ZNF23: variants seen among roughly 807,000 people sequenced by gnomAD.
ZNF23 encodes kruppel-like zinc finger factor X31.
Under a neutral mutation model 56.2 loss-of-function variants are expected in ZNF23, and 48 were observed. That is an observed-to-expected ratio of 0.85 (90% confidence interval 0.68 to 1.09). The LOEUF (loss-of-function observed/expected upper bound fraction) is 1.09. ZNF23 is among the 50% of genes least tolerant of loss of function. The probability of loss-of-function intolerance (pLI) is 0.00; values close to 1 mark genes in which losing one functional copy is unlikely to be tolerated. For synonymous variants in ZNF23, 266 were observed against 283.3 expected, an observed-to-expected ratio of 0.94 and a Z score of 0.61; for missense variants, 805 against 811.4, an observed-to-expected ratio of 0.99 and a Z score of 0.10.
Position 71,448,016 on chromosome 16 carries a change from T to G in ZNF23, c.*77A>C. On this transcript the variant is annotated 3_prime_UTR_variant, in exon 5 of 5. Transcript: ENST00000647773. The stretch of plus-strand genomic sequence containing the variant: ...TGCCATATTCATGCCCTCTTGGAGG[T>G]TTTTCAATGGATGAATCTGATGATA... 3.2e-6 allele frequency: 4 copies of G among 1,244,248 alleles called. No individual in the cohort carries two copies. The highest frequency in any genetic ancestry group is 2.4e-5 in the East Asian group (1 of 41,366). 77.1% of individuals were successfully genotyped at this position (1,244,248 alleles called of 1,614,324 possible). A position where few individuals can be genotyped will look rare whatever the true frequency, so the allele number is the denominator to read the frequency against.
chr16:71,460,745 T>C (rs1167988433), intron 1 of ZNF23, among the ~76,000 whole-genome samples: 1 of 152,244 alleles, frequency 6.6e-6, no homozygotes, highest in Non-Finnish European at 1.5e-5. Flanking sequence ...ATAAACACAC[T>C]GTCCATCTCA....
In ZNF23 at chr16:71,453,327, C is replaced by G; in HGVS notation, c.184G>C (p.Val62Leu). ...CTTCCTCCCTCCAGTTGTGAGATCA[C>G]AGCAGGTTTGAGAAGTGGAAATCCT... ...SLGFPLLKPAVISQLEGGSEL... is the reference protein window; with the variant it reads ...SLGFPLLKPALISQLEGGSEL... The change falls in exon 4 of 5, where the codon GTG becomes CTG. Residue 62 changes from valine to leucine, a missense_variant. Transcript: ENST00000647773. 1 of 1,602,288 alleles carries G rather than the reference C, an allele frequency of 6.2e-7. No homozygotes were observed. The highest frequency in any genetic ancestry group is 8.5e-7 in the Non-Finnish European group (1 of 1,173,904).
chr16:71,449,132 T>C lies in ZNF23; in HGVS notation c.1022A>G (p.His341Arg). ...TTTCTCTCCAGTGTGGACTCTCTGATGTGTAATATATGCAGAACTACAGCT... is the reference window on the plus strand; with the variant it reads ...TTTCTCTCCAGTGTGGACTCTCTGACGTGTAATATATGCAGAACTACAGCT... Reference protein sequence around the residue: ...GFSCSSAYITHQRVHTGEKPY... With the variant: ...GFSCSSAYITRQRVHTGEKPY... The change falls in exon 5 of 5, where the codon CAT becomes CGT. Residue 341 changes from histidine (H) to arginine (R), a missense_variant. Transcript: ENST00000647773. The C allele has an allele frequency of 6.2e-7, 1 of 1,614,238 alleles. No homozygotes were observed. Among genetic ancestry groups the C allele is most frequent in the Non-Finnish European group, 8.5e-7 (1 of 1,180,038 alleles).
At chr16:71,454,520 ACCACTCC>A (rs1567562697) in intron 2 of ZNF23, among the ~76,000 whole-genome samples, 1 of 152,060 alleles carries the variant, frequency 6.6e-6, no homozygotes, top group Non-Finnish European at 1.5e-5. Flanking sequence ...CAGGTCCCAC[ACCACTCC>A]CCTGCGCCTA....
intron 4 of ZNF23, chr16:71,450,803 T>C (rs758985428): frequency 2.9e-5 from 10 of 339,546 alleles, no homozygotes; most frequent in Non-Finnish European, 6.0e-5. Context: ...ACCATGCTTT[T>C]CTACACCCTG....
At chr16:71,449,965 A>G in intron 4 of ZNF23, 80 bp from the exon 5 acceptor site, 2 of 1,181,950 alleles carry the variant, frequency 1.7e-6, no homozygotes, top group South Asian at 3.4e-5. Flanking sequence ...AAAAGACCAT[A>G]ATAATCAGGG....
intron 1 of ZNF23, among the ~76,000 whole-genome samples, chr16:71,458,531 C>T (rs1449711194): frequency 6.6e-6 from 1 of 152,154 alleles, no homozygotes; most frequent in Admixed American, 6.5e-5. Flanking sequence ...GAAGCTCTAG[C>T]CTCCAATGTG....
Position 71,449,555 on chromosome 16 carries a change from T to G in ZNF23, c.599A>C (p.Lys200Thr). The G allele has an allele frequency of 6.2e-7, 1 of 1,614,174 alleles. No homozygotes were observed. The highest frequency in any genetic ancestry group is 1.6e-4 in the Middle Eastern group (1 of 6,062). Residue 200 changes from lysine to threonine, a missense_variant, in exon 5 of 5, where the codon AAG becomes ACG. Coordinates refer to ENST00000647773, the MANE Select transcript of ZNF23 (RefSeq NM_001381984.1). ...KSISFDTKLVKHEIINSEERP... is the reference protein window; with the variant it reads ...KSISFDTKLVTHEIINSEERP... ...TTCCTCAGAATTAATTATTTCATGC[T>G]TCACGAGTTTTGTATCAAAGCTGAT...
rs1413439034 is a variant in ZNF23 at position 71,448,912 on chromosome 16, T to G, written c.1242A>C (p.Lys414Asn). ...TGAGTTTTGTATTATTATTGAAGCC[T>G]TTTCCACACTCTTTACACTGATAGG... Reference protein sequence around the residue: ...EKPYQCKECGKGFNNNTKLIQ... With the variant: ...EKPYQCKECGNGFNNNTKLIQ... Residue 414 changes from lysine to asparagine, a missense_variant, in exon 5 of 5, where the codon AAA (lysine) becomes AAC (asparagine). Transcript: ENST00000647773. The G allele has an allele frequency of 6.2e-7, 1 of 1,614,026 alleles. No homozygotes were observed. Among genetic ancestry groups the G allele is most frequent in the Non-Finnish European group, 8.5e-7 (1 of 1,180,028 alleles).
In ZNF23 at chr16:71,449,526, G is replaced by A. The variant is rs2042974886; in HGVS notation, c.628C>T (p.Pro210Ser). Reference sequence around the variant, plus strand: ...TCTACTAATTCTTCACATTTGAAAGGTCTTTCCTCAGAATTAATTATTTCA... The same window carrying A: ...TCTACTAATTCTTCACATTTGAAAGATCTTTCCTCAGAATTAATTATTTCA... The part of the protein sequence containing the change: ...KHEIINSEER[P>S]FKCEELVEPF... The change falls in exon 5 of 5, where the codon CCT becomes TCT. Residue 210 changes from proline (P) to serine (S), a missense_variant. Coordinates refer to ENST00000647773, the MANE Select transcript of ZNF23 (RefSeq NM_001381984.1). 6.2e-7 allele frequency: 1 copy of A among 1,614,076 alleles called. No individual in the cohort carries two copies. The highest frequency in any genetic ancestry group is 8.5e-7 in the Non-Finnish European group (1 of 1,180,026).
chr16:71,457,947 G>C (rs912736076), intron 1 of ZNF23, among the ~76,000 whole-genome samples: 1 of 152,116 alleles, frequency 6.6e-6, no homozygotes, highest in African/African-American at 2.4e-5. Context: ...AGACCCCAGG[G>C]AGGCAGCGCC....
chr16:71,454,665 G>A (rs2043163473), intron 2 of ZNF23, among the ~76,000 whole-genome samples: 1 of 152,070 alleles, frequency 6.6e-6, no homozygotes, highest in East Asian at 1.9e-4. Flanking sequence ...CCCAACAAGG[G>A]GCTGTGCAGC....
intron 2 of ZNF23, 93 bp from the exon 3 acceptor site, chr16:71,454,261 G>A (rs138940875): frequency 2.7e-6 from 4 of 1,464,528 alleles, no homozygotes; most frequent in East Asian, 4.7e-5. Flanking sequence ...TGGGGAGGGT[G>A]CTTGTGAGAG....
Position 71,448,796 on chromosome 16 carries a change from T to A in ZNF23, c.1358A>T (p.His453Leu). The change falls in exon 5 of 5, where the codon CAC (histidine) becomes CTC (leucine). Residue 453 changes from histidine to leucine, a missense_variant. Coordinates refer to ENST00000647773, the MANE Select transcript of ZNF23 (RefSeq NM_001381984.1). ...TTTCTCGCCTGTGTGAATTCTCTGG[T>A]GTTGGATTAACTTCCCTTTGACACT... is the stretch of plus-strand genomic sequence containing the variant. The part of the protein sequence containing the change: ...AFSVKGKLIQ[H>L]QRIHTGEKPY... The A allele has an allele frequency of 6.2e-7, 1 of 1,614,240 alleles. No individual in the cohort carries two copies. The highest frequency in any genetic ancestry group is 8.5e-7 in the Non-Finnish European group (1 of 1,180,036).
In ZNF23 at chr16:71,448,044, T is replaced by C; in HGVS notation, c.*49A>G. 1.4e-6 allele frequency: 2 copies of C among 1,443,364 alleles called. No homozygotes were observed. The highest frequency in any genetic ancestry group is 1.9e-6 in the Non-Finnish European group (2 of 1,066,036). The allele number at this position is 1,443,364 out of a possible 1,614,324, so 89.4% of individuals were successfully genotyped here. On this transcript the variant is annotated 3_prime_UTR_variant, in exon 5 of 5. Transcript: ENST00000647773. ...TTCAATGGATGAATCTGATGATACTTGATCCATTTTGGCATTAACCTTAAG... is the reference window on the plus strand; with the variant it reads ...TTCAATGGATGAATCTGATGATACTCGATCCATTTTGGCATTAACCTTAAG...
Position 71,449,594 on chromosome 16 carries a change from C to A in ZNF23, c.560G>T (p.Gly187Val), listed in dbSNP as rs72795864. Residue 187 changes from glycine (G) to valine (V), a missense_variant, in exon 5 of 5, where the codon GGA becomes GTA. By Grantham distance (109) the Gly-to-Val change is moderately radical (BLOSUM62 -3). Transcript: ENST00000647773. ...ITGEQPSGCT[G>V]LGKSISFDTK... ...ATCAAAGCTGATGGATTTCCCCAAT[C>A]CTGTACACCCAGAGGGCTGCTCTCC... 999 of 1,614,016 alleles carry A rather than the reference C, an allele frequency of 6.2e-4. 2 individuals carry two copies. Among genetic ancestry groups the A allele is most frequent in the Admixed American group, 8.0e-4 (48 of 60,010 alleles).
intron 4 of ZNF23, chr16:71,450,214 ACTT>A (rs2043006853): frequency 5.5e-6 from 1 of 183,214 alleles, no homozygotes; most frequent in African/African-American, 2.4e-5. Context: ...TACCTAGAAA[ACTT>A]CTAGAAGAAT....
At position 71,449,455 on chromosome 16, in the gene ZNF23, G is replaced by A; in HGVS notation, c.699C>T (p.Asn233=). The A allele has an allele frequency of 6.2e-7, 1 of 1,614,196 alleles. No individual in the cohort carries two copies. Among genetic ancestry groups the A allele is most frequent in the African/African-American group, 1.3e-5 (1 of 75,052 alleles). Residue 233 remains asparagine (N), a synonymous_variant, in exon 5 of 5, where the codon AAC becomes AAT. Transcript: ENST00000647773. ...DSQLIQHQEN[N]TEEKPYQCSE... ...AACACTGATAAGGCTTTTCCTCAGT[G>A]TTGTTCTCTTGATGTTGAATAAGTT...
At chr16:71,460,721 TAAATC>T (rs2043413696) in intron 1 of ZNF23, among the ~76,000 whole-genome samples, 1 of 152,204 alleles carries the variant, frequency 6.6e-6, no homozygotes, top group Non-Finnish European at 1.5e-5. Context: ...TTCACATTAA[TAAATC>T]AAAGAAAGAT....
Sources: allele counts gnomAD v4.1 joint callset (sites outside exome capture counted in the v4.1 genomes callset), GRCh38; gene constraint gnomAD v4.1.1; transcripts MANE v1.5; gene names NCBI Gene and HGNC (gene_info 2026-07-23, HGNC 2026-07-21).